Variants in BRIP1 observed in about 807,000 individuals in gnomAD.
The protein encoded by BRIP1 is BRCA1 interacting DNA helicase 1.
BRIP1 carries 88 observed loss-of-function variants against 119.7 expected under a neutral mutation model. That is an observed-to-expected ratio of 0.74 (90% CI 0.62 to 0.88). BRIP1 has a LOEUF of 0.88. BRIP1 is among the 40% of genes least tolerant of loss of function. The pLI is 0.00. For missense variants in BRIP1, 1,259 were observed against 1,455.4 expected (o/e 0.87, Z 2.20); for synonymous variants, 443 against 496.5 (o/e 0.89, Z 1.43).
rs760863397 is a variant in BRIP1, at chr17:61,744,580, T to TGG, written c.2108_2109insCC (p.Lys703AsnfsTer3). On this transcript the variant is annotated frameshift_variant, in exon 15 of 20. Coordinates refer to ENST00000259008, the MANE Select transcript of BRIP1 (RefSeq NM_032043.3). LOFTEE classifies it high-confidence loss of function. The surrounding 1 kb of genome is among the most constrained non-coding windows in gnomAD (Gnocchi z 5.0). Reference sequence around the variant, plus strand: ...CAGTAGAGAGCCAACGTTCTTTTAATTTTTCTAATAACTAAAGAGGGGAAA... The same window carrying TGG: ...CAGTAGAGAGCCAACGTTCTTTTAATGGTTTTCTAATAACTAAAGAGGGGAAA... 3.0e-5 allele frequency: 49 copies of TGG among 1,613,256 alleles called. No individual in the cohort carries two copies. Among genetic ancestry groups the TGG allele is most frequent in the Non-Finnish European group, 4.0e-5 (47 of 1,179,414 alleles).
rs2078835550 is a variant in BRIP1, at chr17:61,852,454, G to A, written c.380-3198C>T. 6.6e-6 allele frequency among the ~76,000 whole-genome samples: 1 copy of A among 152,070 alleles called. No homozygotes were observed. The highest frequency in any genetic ancestry group is 1.5e-5 in the Non-Finnish European group (1 of 68,010). On this transcript the variant is annotated intron_variant, in intron 4 of 19. Coordinates refer to ENST00000259008, the MANE Select transcript of BRIP1 (RefSeq NM_032043.3). This position sits in a 1 kb window ranked among gnomAD's most constrained non-coding sequence, Gnocchi z 4.9. ...GAGGCTGAGGCGAGTGATCATTTGA[G>A]GTCAGGAGTTAGAGATCAGCCTGGC...
rs2078951315 is a variant in BRIP1 at position 61,859,882 on chromosome 17, T to G, written c.119A>C (p.Gln40Pro). 1.2e-6 allele frequency: 2 copies of G among 1,613,512 alleles called. No individual in the cohort carries two copies. Among genetic ancestry groups the G allele is most frequent in the South Asian group, 1.1e-5 (1 of 91,072 alleles). ...TGTGGGACTCTCCAACAAACAATGT[T>G]GCTTGCTGTTTAATCCTCTGAGAAT... Reference protein sequence around the residue: ...NSILRGLNSKQHCLLESPTGS... With the variant: ...NSILRGLNSKPHCLLESPTGS... Residue 40 changes from glutamine to proline, a missense_variant, in exon 3 of 20, where the codon CAA becomes CCA. Physicochemically the swap from Gln to Pro is moderately conservative, Grantham distance 76 (BLOSUM62 -1). Transcript: ENST00000259008.
At position 61,850,417 on chromosome 17, in the gene BRIP1, A is replaced by C. The variant is rs560443611; in HGVS notation, c.380-1161T>G. Among the ~76,000 whole-genome samples, 17 of 152,096 alleles carry C rather than the reference A, an allele frequency of 1.1e-4. No homozygotes were observed. The South Asian group carries it at 3.3e-3, about 30-fold the overall frequency. ...TGCCCAGCCAACAATCATTTATTAC[A>C]CTGAGTCTAACCCATGGCCAGACAC... is the stretch of plus-strand genomic sequence containing the variant. On this transcript the variant is annotated intron_variant, in intron 4 of 19. Transcript: ENST00000259008.
At position 61,756,703 on chromosome 17, in the gene BRIP1, T is replaced by C. The variant is rs2077205607; in HGVS notation, c.2098-12112A>G. ...AAATCCTGCATTTGCTCAATGTCCA[T>C]AGCTTTTACACAGTTCCAGATGTTC... is the stretch of plus-strand genomic sequence containing the variant. On this transcript the variant is annotated intron_variant, in intron 14 of 19. Transcript: ENST00000259008. The surrounding 1 kb of genome is among the most constrained non-coding windows in gnomAD (Gnocchi z 4.3). 6.6e-6 allele frequency among the ~76,000 whole-genome samples: 1 copy of C among 152,222 alleles called. No individual in the cohort carries two copies. The highest frequency in any genetic ancestry group is 1.5e-5 in the Non-Finnish European group (1 of 68,034).
rs1303170996 is a variant in BRIP1, at chr17:61,828,890, T to C, written c.627+18211A>G. On this transcript the variant is annotated intron_variant, in intron 6 of 19. Transcript: ENST00000259008. The surrounding 1 kb of genome is among the most constrained non-coding windows in gnomAD (Gnocchi z 4.1). Reference sequence around the variant, plus strand: ...TTGGCAGAAGGTTCTTACACATTATTTGTGAGTTGAAATATTATTTGAAGG... The same window carrying C: ...TTGGCAGAAGGTTCTTACACATTATCTGTGAGTTGAAATATTATTTGAAGG... Among the ~76,000 whole-genome samples, 1 of 152,188 alleles carries C rather than the reference T, an allele frequency of 6.6e-6. No homozygotes were observed. The highest frequency in any genetic ancestry group is 1.5e-5 in the Non-Finnish European group (1 of 68,012).
At chr17:61,721,978 C>T (rs533845748) in intron 16 of BRIP1, among the ~76,000 whole-genome samples, 20 of 151,802 alleles carry the variant, frequency 1.3e-4, no homozygotes, top group Non-Finnish European at 2.8e-4. Context: ...ATCTGCCCAC[C>T]TCAACCTCCC....
Position 61,729,909 on chromosome 17 carries a change from A to T in BRIP1, c.2379+13104T>A, listed in dbSNP as rs1407054872. ...TACCGGCATCTAGTGGGTAAATGCT[A>T]GAGATGCTGTTAAACATCCTGGAAT... On this transcript the variant is annotated intron_variant, in intron 16 of 19. Coordinates refer to ENST00000259008, the MANE Select transcript of BRIP1 (RefSeq NM_032043.3). The surrounding 1 kb of genome is among the most constrained non-coding windows in gnomAD (Gnocchi z 5.6). Among the ~76,000 whole-genome samples, 1 of 152,256 alleles carries T rather than the reference A, an allele frequency of 6.6e-6. No homozygotes were observed. Among genetic ancestry groups the T allele is most frequent in the Middle Eastern group, 3.4e-3 (1 of 294 alleles).
At chr17:61,833,537 G>A (rs1311548451) in intron 6 of BRIP1, among the ~76,000 whole-genome samples, 3 of 152,062 alleles carry the variant, frequency 2.0e-5, no homozygotes, top group African/African-American at 4.8e-5. Context: ...CAGGCATGGT[G>A]GCAGGCACCT....
At chr17:61,733,356 A>AG (rs1268290329) in intron 16 of BRIP1, among the ~76,000 whole-genome samples, 7 of 152,152 alleles carry the variant, frequency 4.6e-5, no homozygotes, top group African/African-American at 1.7e-4. Context: ...TGTCTCAAAA[A>AG]AAATTTTTTT....
intron 18 of BRIP1, among the ~76,000 whole-genome samples, chr17:61,688,494 C>G (rs188327672): frequency 2.0e-5 from 3 of 151,606 alleles, no homozygotes; most frequent in African/African-American, 7.3e-5. Flanking sequence ...CAAAAAAAAA[C>G]CAAGCAAATA....
rs912195475 is a variant in BRIP1 at position 61,856,638 on chromosome 17, C to T, written c.379+420G>A. On this transcript the variant is annotated intron_variant, in intron 4 of 19. Transcript: ENST00000259008. This position sits in a 1 kb window ranked among gnomAD's most constrained non-coding sequence, Gnocchi z 5.1. ...TATTTAAAGATCACACATAAACATA[C>T]CTGATACTTATGTAGGATACTGGCC... is the stretch of plus-strand genomic sequence containing the variant. Among the ~76,000 whole-genome samples the T allele has an allele frequency of 3.3e-5, 5 of 152,074 alleles. No individual in the cohort carries two copies. Among genetic ancestry groups the T allele is most frequent in the African/African-American group, 1.2e-4 (5 of 41,410 alleles).
chr17:61,715,271 G>A (rs1821744649), intron 17 of BRIP1, among the ~76,000 whole-genome samples: 2 of 151,444 alleles, frequency 1.3e-5, no homozygotes, highest in South Asian at 4.2e-4. Context: ...CAGTTTCAAT[G>A]TTATCCTTCA....
rs2061429460 is a variant in BRIP1, at chr17:61,690,331, A to G, written c.2575+3099T>C. On this transcript the variant is annotated intron_variant, in intron 18 of 19. Coordinates refer to ENST00000259008, the MANE Select transcript of BRIP1 (RefSeq NM_032043.3). This position sits in a 1 kb window ranked among gnomAD's most constrained non-coding sequence, Gnocchi z 5.6. ...TGATACATAAATAATGTTTAATTCT[A>G]TACAGAAGTTAAAAGACAAAGTATG... Among the ~76,000 whole-genome samples, 1 of 152,224 alleles carries G rather than the reference A, an allele frequency of 6.6e-6. No individual in the cohort carries two copies. Among genetic ancestry groups the G allele is most frequent in the Non-Finnish European group, 1.5e-5 (1 of 68,038 alleles).
At position 61,684,593 on chromosome 17, in the gene BRIP1, A is replaced by G. The variant is rs933784124; in HGVS notation, c.2906-453T>C. Among the ~76,000 whole-genome samples the G allele has an allele frequency of 2.0e-5, 3 of 152,200 alleles. No homozygotes were observed. In the East Asian group the frequency reaches 5.8e-4, roughly 29 times the overall value. ...CTCAAAGTTATAAAACTGGTTAGTA[A>G]GAAGACCAAGACTAGAAACTAGGTT... On this transcript the variant is annotated intron_variant, in intron 19 of 19. Transcript: ENST00000259008. This position sits in a 1 kb window ranked among gnomAD's most constrained non-coding sequence, Gnocchi z 4.5.
chr17:61,689,796 A>AGC lies in BRIP1; in HGVS notation c.2575+3632_2576-3632dup, dbSNP rs2061421145. On this transcript the variant is annotated intron_variant, in intron 18 of 19. Coordinates refer to ENST00000259008, the MANE Select transcript of BRIP1 (RefSeq NM_032043.3). The surrounding 1 kb of genome is among the most constrained non-coding windows in gnomAD (Gnocchi z 4.5). Reference sequence around the variant, plus strand: ...GAGGCAGAGGTAGGAGAATTGCTTGAGCCGAGGAGTTTGAGATTAGCCTGG... The same window carrying AGC: ...GAGGCAGAGGTAGGAGAATTGCTTGAGCGCCGAGGAGTTTGAGATTAGCCTGG... Among the ~76,000 whole-genome samples, 1 of 152,240 alleles carries AGC rather than the reference A, an allele frequency of 6.6e-6. No homozygotes were observed.
intron 17 of BRIP1, among the ~76,000 whole-genome samples, chr17:61,712,483 G>C (rs2061793783): frequency 6.6e-6 from 1 of 151,990 alleles, no homozygotes; most frequent in Admixed American, 6.6e-5. Flanking sequence ...CAAAGGGCTG[G>C]GATTACAGGC....
intron 18 of BRIP1, among the ~76,000 whole-genome samples, chr17:61,692,661 C>T (rs1221310729): frequency 6.6e-6 from 1 of 152,114 alleles, no homozygotes; most frequent in Non-Finnish European, 1.5e-5. Context: ...ACTGTGCTAT[C>T]ACATTATACC....
chr17:61,764,433 G>T (rs1279320158), intron 14 of BRIP1, among the ~76,000 whole-genome samples: 1 of 152,140 alleles, frequency 6.6e-6, no homozygotes, highest in African/African-American at 2.4e-5. Flanking sequence ...TCCCAATGTG[G>T]TGTCACTTTT....
chr17:61,711,870 A>G (rs8064683), intron 17 of BRIP1, among the ~76,000 whole-genome samples: 1 of 151,120 alleles, frequency 6.6e-6, no homozygotes, highest in Non-Finnish European at 1.5e-5. Context: ...TCTCTCAAAA[A>G]AAAAATAATA....
Sources: allele counts gnomAD v4.1 joint callset (sites outside exome capture counted in the v4.1 genomes callset), GRCh38; gene constraint gnomAD v4.1.1; non-coding constraint Gnocchi (gnomAD v3.1); transcripts MANE v1.5; gene names NCBI Gene and HGNC (gene_info 2026-07-23, HGNC 2026-07-21).